FBXL7: variants seen among roughly 807,000 people sequenced by gnomAD.
The protein encoded by FBXL7 is F-box and leucine rich repeat protein 7.
In FBXL7, 12 loss-of-function variants were observed where a neutral mutation model predicts 38.3. The observed-to-expected ratio is 0.31, with a 90% CI of 0.20 to 0.51. The LOEUF (loss-of-function observed/expected upper bound fraction) is 0.51, where lower values mean the gene tolerates loss of function less well. Among genes scored for constraint, FBXL7 ranks in the 20% least tolerant of loss-of-function variants. The pLI, the probability that FBXL7 is intolerant of heterozygous loss-of-function variation, is 0.98. For missense variants in FBXL7, 567 were observed against 676.4 expected (o/e 0.84, Z 1.79); for synonymous variants, 297 against 300.9 (o/e 0.99, Z 0.13).
intron 1 of FBXL7, among the ~76,000 whole-genome samples, chr5:15,544,532 C>A (rs1317679032): frequency 1.3e-5 from 2 of 152,142 alleles, no homozygotes; most frequent in Non-Finnish European, 2.9e-5. Context: ...TACAGGCTCA[C>A]CCATTTTTAG....
intron 3 of FBXL7, among the ~76,000 whole-genome samples, chr5:15,933,842 T>G (rs1388256635): frequency 6.6e-6 from 1 of 152,100 alleles, no homozygotes; most frequent in Non-Finnish European, 1.5e-5. Flanking sequence ...GGTGCAGAAG[T>G]GTCCGAAGTG....
At chr5:15,587,778 A>G (rs1739345319) in intron 1 of FBXL7, among the ~76,000 whole-genome samples, 1 of 152,226 alleles carries the variant, frequency 6.6e-6, no homozygotes, top group Non-Finnish European at 1.5e-5. Flanking sequence ...TTCATCCAGC[A>G]TGTGCCCTCT....
At chr5:15,650,550 G>A (rs1371364110) in intron 2 of FBXL7, among the ~76,000 whole-genome samples, 1 of 152,202 alleles carries the variant, frequency 6.6e-6, no homozygotes, top group Non-Finnish European at 1.5e-5. Context: ...TTCCTTTCAG[G>A]AAAGTTTCCC....
At chr5:15,567,586 T>C (rs1561030727) in intron 1 of FBXL7, among the ~76,000 whole-genome samples, 1 of 151,398 alleles carries the variant, frequency 6.6e-6, no homozygotes, top group Non-Finnish European at 1.5e-5. Context: ...CTTTCTTCTT[T>C]TTTTTATATA....
chr5:15,580,681 G>T, intron 1 of FBXL7: 4 of 985,380 alleles, frequency 4.1e-6, no homozygotes, highest in Non-Finnish European at 4.8e-6. Context: ...TAACCTCTGG[G>T]TCCGGGAGTG....
intron 2 of FBXL7, among the ~76,000 whole-genome samples, chr5:15,822,610 G>A (rs1738200381): frequency 6.8e-6 from 1 of 147,130 alleles, no homozygotes; most frequent in Non-Finnish European, 1.5e-5. Context: ...ATGAACATTT[G>A]AGCTGGTTGC....
chr5:15,789,576 A>G (rs1579463920), intron 2 of FBXL7, among the ~76,000 whole-genome samples: 1 of 152,126 alleles, frequency 6.6e-6, no homozygotes, highest in African/African-American at 2.4e-5. Flanking sequence ...TGATTCCATC[A>G]TTTGTGAACT....
chr5:15,871,284 C>G (rs1224487964), intron 2 of FBXL7, among the ~76,000 whole-genome samples: 1 of 152,164 alleles, frequency 6.6e-6, no homozygotes, highest in Admixed American at 6.5e-5. Context: ...AATGCAAAAG[C>G]TCCATCCAAA....
In FBXL7 at chr5:15,619,710, T is replaced by G. The variant is rs61475788; in HGVS notation, c.127+3638T>G. ...TGATTTTTTAAAATGACATATATTG[T>G]AAAGGATAATATTCAGTTTTCCGGC... On this transcript the variant is annotated intron_variant, in intron 2 of 3. Transcript: ENST00000504595. 8.2e-3 allele frequency among the ~76,000 whole-genome samples: 1,246 copies of G among 152,320 alleles called. 11 individuals are homozygous for G. Among genetic ancestry groups the G allele is most frequent in the African/African-American group, 0.029 (1,185 of 41,574 alleles).
At chr5:15,759,362 T>A (rs1402814116) in intron 2 of FBXL7, among the ~76,000 whole-genome samples, 1 of 152,156 alleles carries the variant, frequency 6.6e-6, no homozygotes, top group Non-Finnish European at 1.5e-5. Context: ...TAATCACAAC[T>A]GAACTGTAAA....
chr5:15,576,761 G>A (rs973618476), intron 1 of FBXL7, among the ~76,000 whole-genome samples: 2 of 151,946 alleles, frequency 1.3e-5, no homozygotes, highest in Non-Finnish European at 2.9e-5. Context: ...GGCCGCCTGA[G>A]GTTTGGGTCA....
chr5:15,896,667 G>T (rs975179101), intron 2 of FBXL7, among the ~76,000 whole-genome samples: 3 of 151,850 alleles, frequency 2.0e-5, no homozygotes, highest in Admixed American at 2.0e-4. Flanking sequence ...GGCATCTGTT[G>T]TTATTGACAA....
chr5:15,608,697 T>C (rs1362123868), intron 1 of FBXL7, among the ~76,000 whole-genome samples: 1 of 152,212 alleles, frequency 6.6e-6, no homozygotes, highest in African/African-American at 2.4e-5. Flanking sequence ...AAAGAAATTC[T>C]GCCACAATCC....
rs115204605 is a variant in FBXL7 at position 15,617,226 on chromosome 5, T to G, written c.127+1154T>G. On this transcript the variant is annotated intron_variant, in intron 2 of 3. Transcript: ENST00000504595. ...ACAACTGGATTATATTCTCCATGCT[T>G]AAAACCTTAGCACTGTTTGATGCGT... Among the ~76,000 whole-genome samples the G allele has an allele frequency of 4.7e-3, 719 of 152,298 alleles. 5 individuals carry two copies. The highest frequency in any genetic ancestry group is 0.017 in the African/African-American group (699 of 41,574).
chr5:15,522,496 G>T (rs1366601100), intron 1 of FBXL7, among the ~76,000 whole-genome samples: 1 of 152,062 alleles, frequency 6.6e-6, no homozygotes, highest in East Asian at 1.9e-4. Flanking sequence ...ATGCATACTC[G>T]ACCTCTCTAA....
chr5:15,773,059 T>C (rs921192253), intron 2 of FBXL7, among the ~76,000 whole-genome samples: 4 of 151,872 alleles, frequency 2.6e-5, no homozygotes, highest in African/African-American at 9.7e-5. Context: ...ACCTGGCTAA[T>C]TTTTTTTAAA....
rs548322966 is a variant in FBXL7, at chr5:15,928,217, G to A, written c.455G>A (p.Arg152Gln). The stretch of plus-strand genomic sequence containing the variant: ...TGGTACAACCTGGCCTGGGACCCGC[G>A]GCTCTGGAGGACTATCCGCCTGACG... ...RRWYNLAWDP[R>Q]LWRTIRLTGE... The change falls in exon 3 of 4, where the codon CGG (arginine) becomes CAG (glutamine). Residue 152 changes from arginine (R) to glutamine (Q), a missense_variant. Arg to Gln is a conservative substitution (Grantham distance 43). Coordinates refer to ENST00000504595, the MANE Select transcript of FBXL7 (RefSeq NM_012304.5). This position sits in a 1 kb window ranked among gnomAD's most constrained non-coding sequence, Gnocchi z 4.0. 2.5e-6 allele frequency: 4 copies of A among 1,610,314 alleles called. No homozygotes were observed. The highest frequency in any genetic ancestry group is 3.4e-5 in the Admixed American group (2 of 59,494).
chr5:15,735,546 T>G (rs1016496033), intron 2 of FBXL7, among the ~76,000 whole-genome samples: 4 of 152,206 alleles, frequency 2.6e-5, no homozygotes, highest in African/African-American at 9.6e-5. Flanking sequence ...AATGAACAAT[T>G]ACATGTTTGA....
At chr5:15,718,095 T>G (rs1420982203) in intron 2 of FBXL7, among the ~76,000 whole-genome samples, 2 of 152,188 alleles carry the variant, frequency 1.3e-5, no homozygotes, top group Admixed American at 1.3e-4. Flanking sequence ...TCACAAGATC[T>G]ACAAATGGCT....
Sources: allele counts gnomAD v4.1 joint callset (sites outside exome capture counted in the v4.1 genomes callset), GRCh38; gene constraint gnomAD v4.1.1; non-coding constraint Gnocchi (gnomAD v3.1); transcripts MANE v1.5; gene names NCBI Gene and HGNC (gene_info 2026-07-23, HGNC 2026-07-21).